CDH9: variants seen among roughly 807,000 people sequenced by gnomAD.
CDH9 encodes the protein cadherin 9.
In CDH9, 28 loss-of-function variants were observed where a neutral mutation model predicts 70.9. The ratio of observed to expected loss-of-function variants is 0.40; its 90% confidence interval spans 0.29 to 0.54. CDH9 has a LOEUF of 0.54. CDH9 is among the 20% of genes least tolerant of loss of function. The probability of loss-of-function intolerance (pLI) is 0.59; values close to 1 mark genes in which losing one functional copy is unlikely to be tolerated. For missense variants in CDH9, 874 were observed against 984.4 expected, an observed-to-expected ratio of 0.89 and a Z score of 1.50; for synonymous variants, 409 against 343.1, an observed-to-expected ratio of 1.19 and a Z score of -2.12.
intron 2 of CDH9, among the ~76,000 whole-genome samples, chr5:26,952,901 C>CAAAA (rs70939788): frequency 1.9e-5 from 2 of 105,280 alleles, no homozygotes; most frequent in African/African-American, 7.8e-5. Flanking sequence ...GTTTCTATTC[C>CAAAA]AAAAAAAAAA....
intron 2 of CDH9, among the ~76,000 whole-genome samples, chr5:26,943,509 T>C (rs1200001928): frequency 5.4e-5 from 3 of 55,802 alleles, no homozygotes; most frequent in Non-Finnish European, 9.4e-5. Context: ...TGAGACTCCA[T>C]CTCAAAAAAA....
intron 2 of CDH9, among the ~76,000 whole-genome samples, chr5:26,937,513 C>A (rs1489131632): frequency 2.0e-5 from 3 of 152,038 alleles, no homozygotes; most frequent in African/African-American, 7.2e-5. Context: ...AATTATATTA[C>A]CTGGTTGAAA....
intron 2 of CDH9, among the ~76,000 whole-genome samples, chr5:26,925,935 C>A (rs543719279): frequency 2.0e-5 from 3 of 152,064 alleles, no homozygotes; most frequent in Non-Finnish European, 4.4e-5. Context: ...ATTGATGGAA[C>A]GTATCTCAAA....
chr5:26,963,349 T>C (rs1261395399), intron 2 of CDH9, among the ~76,000 whole-genome samples: 1 of 152,186 alleles, frequency 6.6e-6, no homozygotes, highest in Non-Finnish European at 1.5e-5. Flanking sequence ...TTTTAGTTGA[T>C]TTTGTGTAAG....
intron 11 of CDH9, among the ~76,000 whole-genome samples, chr5:26,883,518 T>A (rs1740507872): frequency 6.6e-6 from 1 of 152,048 alleles, no homozygotes; most frequent in South Asian, 2.1e-4. Context: ...TTAGCATTTT[T>A]TTCAATAGGA....
chr5:26,973,271 A>C (rs998415520), intron 2 of CDH9, among the ~76,000 whole-genome samples: 2 of 151,886 alleles, frequency 1.3e-5, no homozygotes, highest in African/African-American at 4.8e-5. Context: ...TGTGCTCTCT[A>C]TACCAGATCT....
At chr5:27,001,869 CTCT>C in intron 1 of CDH9, among the ~76,000 whole-genome samples, 1 of 151,706 alleles carries the variant, frequency 6.6e-6, no homozygotes, top group Non-Finnish European at 1.5e-5. Flanking sequence ...CTCTCTCTCT[CTCT>C]CTCTCAACAA....
In CDH9 at chr5:26,885,779, T is replaced by A. The variant is rs377660998; in HGVS notation, c.1717A>T (p.Asn573Tyr). 1.9e-6 allele frequency: 3 copies of A among 1,613,840 alleles called. No individual in the cohort carries two copies. Among genetic ancestry groups the A allele is most frequent in the Non-Finnish European group, 2.5e-6 (3 of 1,179,950 alleles). ...TYLLPILIFD[N>Y]DYPIQSSTGT... ...GTGCTGCTTTGAATTGGATAATCGT[T>A]GTCAAAGATTAAAATCGGCAATAAG... Residue 573 changes from asparagine (N) to tyrosine (Y), a missense_variant, in exon 11 of 12, where the codon AAC becomes TAC. Transcript: ENST00000231021.
chr5:26,881,855 T>C (rs1387217575), intron 11 of CDH9, among the ~76,000 whole-genome samples: 1 of 152,108 alleles, frequency 6.6e-6, no homozygotes, highest in Admixed American at 6.6e-5. Context: ...TACTCTCCTA[T>C]GAACTTCTGG....
chr5:26,971,761 TAA>T (rs1422001793), intron 2 of CDH9, among the ~76,000 whole-genome samples: 1 of 117,692 alleles, frequency 8.5e-6, no homozygotes, highest in East Asian at 2.0e-4. Context: ...ACAAGTGCAT[TAA>T]AATACACACA....
chr5:27,004,068 G>A (rs1180936921), intron 1 of CDH9, among the ~76,000 whole-genome samples: 1 of 149,810 alleles, frequency 6.7e-6, no homozygotes, highest in African/African-American at 2.5e-5. Flanking sequence ...ATAAATTGGG[G>A]AGGTAGTTAC....
chr5:27,033,310 T>A (rs897247471), intron 1 of CDH9, among the ~76,000 whole-genome samples: 1 of 151,506 alleles, frequency 6.6e-6, no homozygotes, highest in Non-Finnish European at 1.5e-5. Context: ...GAACATTGAA[T>A]GTTCACAATT....
At chr5:26,916,322 G>A (rs934609007) in intron 2 of CDH9, among the ~76,000 whole-genome samples, 78 of 152,016 alleles carry the variant, frequency 5.1e-4, no homozygotes, top group Middle Eastern at 6.8e-3. Context: ...TGATTTGAGA[G>A]ATTTCTGAAG....
intron 2 of CDH9, among the ~76,000 whole-genome samples, chr5:26,952,000 T>TTTTATTTTATTTTAC (rs1553999933): frequency 1.3e-4 from 19 of 150,288 alleles, no homozygotes; most frequent in Admixed American, 3.3e-4. Context: ...TTTTATTTTA[T>TTTTATTTTATTTTAC]GACAGAGTAT....
chr5:26,901,736 C>A (rs1244086891), intron 7 of CDH9, among the ~76,000 whole-genome samples: 1 of 151,772 alleles, frequency 6.6e-6, no homozygotes, highest in Non-Finnish European at 1.5e-5. Context: ...TATGCCCCAA[C>A]TATATTTAAA....
intron 2 of CDH9, among the ~76,000 whole-genome samples, chr5:26,969,055 A>C (rs1401378628): frequency 1.3e-5 from 2 of 152,154 alleles, no homozygotes; most frequent in Non-Finnish European, 2.9e-5. Flanking sequence ...TGTCTCAGAA[A>C]GATCCTCATA....
chr5:26,886,297 T>C (rs1193185068), intron 9 of CDH9, among the ~76,000 whole-genome samples: 2 of 152,178 alleles, frequency 1.3e-5, no homozygotes, highest in African/African-American at 2.4e-5. Flanking sequence ...AAGACATCCA[T>C]TAAGCAATGG....
At chr5:26,891,889 T>C (rs576659641) in intron 7 of CDH9, among the ~76,000 whole-genome samples, 2 of 152,248 alleles carry the variant, frequency 1.3e-5, no homozygotes, top group South Asian at 4.1e-4. Flanking sequence ...TAAGCTGACA[T>C]CCAGCAAGGA....
intron 3 of CDH9, among the ~76,000 whole-genome samples, chr5:26,912,408 A>G (rs1320693935): frequency 4.0e-5 from 6 of 151,738 alleles, no homozygotes; most frequent in African/African-American, 1.4e-4. Flanking sequence ...GAGAGTTACA[A>G]TAAAAGATCA....
Sources: allele counts gnomAD v4.1 joint callset (sites outside exome capture counted in the v4.1 genomes callset), GRCh38; gene constraint gnomAD v4.1.1; transcripts MANE v1.5; gene names NCBI Gene and HGNC (gene_info 2026-07-23, HGNC 2026-07-21).